The following AUTS2 variants were observed in gnomAD, a reference collection of about 807,000 sequenced individuals.
AUTS2 encodes autism susceptibility gene 2 protein.
AUTS2 carries 17 observed loss-of-function variants against 112.4 expected under a neutral mutation model. The observed-to-expected ratio is 0.15, with a 90% CI of 0.10 to 0.23. The LOEUF is 0.23. Ranked by LOEUF, AUTS2 falls within the 10% of genes least tolerant of loss-of-function variation. AUTS2 has a pLI of 1.00. For missense variants in AUTS2, 1,510 were observed against 1,701.6 expected, an observed-to-expected ratio of 0.89 and a Z score of 1.98; for synonymous variants, 751 against 702.7, an observed-to-expected ratio of 1.07 and a Z score of -1.09.
At chr7:69,903,531 C>A (rs1795046789) in intron 2 of AUTS2, among the ~76,000 whole-genome samples, 1 of 152,164 alleles carries the variant, frequency 6.6e-6, no homozygotes, top group South Asian at 2.1e-4. Context: ...TCTGTCCTTT[C>A]TCTGTAGTAT....
intron 5 of AUTS2, among the ~76,000 whole-genome samples, chr7:70,675,889 C>G (rs1450656310): frequency 6.6e-6 from 1 of 152,154 alleles, no homozygotes; most frequent in African/African-American, 2.4e-5. Context: ...TCACATGGAG[C>G]CACTTCTGCC....
chr7:70,434,387 G>A (rs559597890), intron 4 of AUTS2, among the ~76,000 whole-genome samples: 16 of 152,192 alleles, frequency 1.1e-4, no homozygotes, highest in Non-Finnish European at 2.1e-4. Flanking sequence ...AGCAGTGGCT[G>A]CCCTACAAGC....
At chr7:69,649,017 A>G (rs1795168771) in intron 1 of AUTS2, among the ~76,000 whole-genome samples, 1 of 152,172 alleles carries the variant, frequency 6.6e-6, no homozygotes, top group South Asian at 2.1e-4. Flanking sequence ...TAGGAGCAAC[A>G]TTTAGGCTGG....
chr7:69,878,765 A>C (rs1793913331), intron 1 of AUTS2, among the ~76,000 whole-genome samples: 1 of 152,192 alleles, frequency 6.6e-6, no homozygotes, highest in Non-Finnish European at 1.5e-5. Flanking sequence ...ATTAGCCACG[A>C]TACTAATTTA....
At chr7:70,398,911 G>A (rs1390102469) in intron 4 of AUTS2, among the ~76,000 whole-genome samples, 3 of 151,368 alleles carry the variant, frequency 2.0e-5, no homozygotes, top group Non-Finnish European at 2.9e-5. Flanking sequence ...TATCAGGAAT[G>A]AATGTTTGAT....
At chr7:69,735,842 C>G (rs1392830976) in intron 1 of AUTS2, among the ~76,000 whole-genome samples, 3 of 152,200 alleles carry the variant, frequency 2.0e-5, no homozygotes, top group Non-Finnish European at 2.9e-5. Flanking sequence ...AGTGAAATGT[C>G]TGTCAATGAA....
At chr7:70,762,732 G>A in intron 6 of AUTS2, 138 bp from the exon 7 acceptor site, 1 of 710,784 alleles carries the variant, frequency 1.4e-6, no homozygotes, top group Non-Finnish European at 2.5e-6. Flanking sequence ...AGGTGGTGGA[G>A]ACAAGGACCC....
chr7:70,612,584 AGTGGCCTGG>A (rs1163577655), intron 5 of AUTS2, among the ~76,000 whole-genome samples: 3 of 152,094 alleles, frequency 2.0e-5, no homozygotes, highest in Admixed American at 2.0e-4. Flanking sequence ...CCAAGGTCAC[AGTGGCCTGG>A]GTGGCACAGG....
At chr7:69,683,330 A>G (rs1458718211) in intron 1 of AUTS2, among the ~76,000 whole-genome samples, 1 of 152,194 alleles carries the variant, frequency 6.6e-6, no homozygotes, top group Non-Finnish European at 1.5e-5. Flanking sequence ...AGGAACCGCC[A>G]TACTGGGTGG....
chr7:69,769,585 T>C (rs1214842418), intron 1 of AUTS2, among the ~76,000 whole-genome samples: 5 of 152,234 alleles, frequency 3.3e-5, no homozygotes, highest in Admixed American at 6.5e-5. Context: ...GATTATGATA[T>C]GTTTGCATTT....
At chr7:69,804,299 A>G (rs1790209129) in intron 1 of AUTS2, among the ~76,000 whole-genome samples, 1 of 152,204 alleles carries the variant, frequency 6.6e-6, no homozygotes, top group Admixed American at 6.5e-5. Flanking sequence ...TGGCATTTTC[A>G]CAAAGCACAG....
chr7:70,023,763 T>C (rs1384150749), intron 2 of AUTS2, among the ~76,000 whole-genome samples: 1 of 152,096 alleles, frequency 6.6e-6, no homozygotes, highest in African/African-American at 2.4e-5. Flanking sequence ...AGTAGCTGAG[T>C]TGAGTGCATC....
At chr7:69,990,041 A>G (rs916565865) in intron 2 of AUTS2, among the ~76,000 whole-genome samples, 2 of 152,340 alleles carry the variant, frequency 1.3e-5, no homozygotes, top group South Asian at 4.1e-4. Context: ...CCTGATGCCA[A>G]AATGGTTGGG....
In AUTS2 at chr7:70,178,986, A is replaced by G. The variant is rs1024213928; in HGVS notation, c.660+44415A>G. On this transcript the variant is annotated intron_variant, in intron 4 of 18. Transcript: ENST00000342771. ...TGTGTTTTTATGGGTAGGACTTCCC[A>G]CTGTCTCACTTTCCTGGCTTGCCTT... is the stretch of plus-strand genomic sequence containing the variant. Among the ~76,000 whole-genome samples, 9 of 152,112 alleles carry G rather than the reference A, an allele frequency of 5.9e-5. 1 individual carries two copies. Among genetic ancestry groups the G allele is most frequent in the Admixed American group, 1.3e-4 (2 of 15,268 alleles).
At chr7:69,616,771 C>CT (rs1479221931) in intron 1 of AUTS2, among the ~76,000 whole-genome samples, 3 of 152,086 alleles carry the variant, frequency 2.0e-5, no homozygotes, top group African/African-American at 7.2e-5. Flanking sequence ...TTTTGGGTAC[C>CT]TCAGGGTACG....
chr7:70,112,287 T>TA (rs1478880604), intron 2 of AUTS2, among the ~76,000 whole-genome samples: 2 of 151,976 alleles, frequency 1.3e-5, no homozygotes, highest in African/African-American at 4.8e-5. Flanking sequence ...ATATTCAACA[T>TA]AAAATACTGT....
intron 5 of AUTS2, among the ~76,000 whole-genome samples, chr7:70,573,764 G>C (rs904358891): frequency 6.6e-6 from 1 of 151,400 alleles, no homozygotes; most frequent in Non-Finnish European, 1.5e-5. Flanking sequence ...ACTTAGCTGA[G>C]CAAAAAGCTT....
chr7:70,380,946 C>G (rs560107052), intron 4 of AUTS2, among the ~76,000 whole-genome samples: 1 of 152,202 alleles, frequency 6.6e-6, no homozygotes, highest in Admixed American at 6.5e-5. Context: ...AAGTAGTTTT[C>G]TCTTAAAATG....
chr7:70,762,531 G>A (rs935590462), intron 6 of AUTS2, among the ~76,000 whole-genome samples: 3 of 152,068 alleles, frequency 2.0e-5, no homozygotes, highest in Non-Finnish European at 4.4e-5. Context: ...GCCTCTCAAA[G>A]TGTTGAGATT....
Sources: gnomAD v4.1 joint callset for allele counts (sites outside exome capture counted in the v4.1 genomes callset) on GRCh38, gnomAD v4.1.1 for gene constraint, MANE v1.5 for transcripts, NCBI Gene and HGNC (gene_info 2026-07-23, HGNC 2026-07-21) for gene names.